LMAN2L: variants seen among roughly 807,000 people sequenced by gnomAD.
LMAN2L encodes lectin, mannose binding 2 like.
A neutral mutation model predicts 44.3 loss-of-function variants in LMAN2L; 30 were observed. The observed-to-expected ratio is 0.68, with a 90% CI of 0.51 to 0.92. The LOEUF is 0.92. LMAN2L is among the 40% of genes least tolerant of loss of function. The pLI is 0.00. For missense variants in LMAN2L, 429 were observed against 446.1 expected (o/e 0.96, Z 0.35); for synonymous variants, 183 against 171.1 (o/e 1.07, Z -0.54).
In LMAN2L at chr2:96,707,520, C is replaced by A; in HGVS notation, c.905-122G>T. ...TACTTCTGGGAAGCCAGAGCTTAGA[C>A]CCCCTCTTTCCAACTGAGAAACAAA... On this transcript the variant is annotated intron_variant, in intron 7 of 7. Transcript: ENST00000264963. 7 of 1,271,618 alleles carry A rather than the reference C, an allele frequency of 5.5e-6. 1 individual carries two copies. The highest frequency in any genetic ancestry group is 3.1e-5 in the South Asian group (2 of 65,332). The allele number at this position is 1,271,618 out of a possible 1,614,324, so 78.8% of individuals were successfully genotyped here. A position where few individuals can be genotyped will look rare whatever the true frequency, so the allele number is the denominator to read the frequency against.
intron 2 of LMAN2L, among the ~76,000 whole-genome samples, chr2:96,736,907 A>G (rs2078527762): frequency 6.6e-6 from 1 of 152,212 alleles, no homozygotes; most frequent in South Asian, 2.1e-4. Context: ...GTTTGTGCAG[A>G]TAGCTAATGT....
intron 2 of LMAN2L, among the ~76,000 whole-genome samples, chr2:96,736,670 C>T (rs775884269): frequency 6.6e-6 from 1 of 152,144 alleles, no homozygotes; most frequent in Non-Finnish European, 1.5e-5. Flanking sequence ...TTTATTCTCA[C>T]GACAACCCCA....
intron 4 of LMAN2L, among the ~76,000 whole-genome samples, chr2:96,720,033 G>GA (rs548363553): frequency 7.7e-5 from 11 of 143,286 alleles, no homozygotes; most frequent in South Asian, 4.4e-4. Flanking sequence ...AGTCTCAAAA[G>GA]AAAAAAAAAA....
Position 96,737,931 on chromosome 2 carries a change from A to G in LMAN2L, c.306+18T>C. ...GGCCTTTCTGGGTCACCAACACAGG[A>G]GGGAGAAAGATTCTTACCACCCGGT... On this transcript the variant is annotated intron_variant, in intron 2 of 7. Transcript: ENST00000264963. 1 of 1,540,162 alleles carries G rather than the reference A, an allele frequency of 6.5e-7. No individual in the cohort carries two copies. The highest frequency in any genetic ancestry group is 9.0e-7 in the Non-Finnish European group (1 of 1,112,792).
intron 4 of LMAN2L, among the ~76,000 whole-genome samples, chr2:96,726,595 A>G (rs1227159662): frequency 6.6e-6 from 1 of 151,098 alleles, no homozygotes; most frequent in Non-Finnish European, 1.5e-5. Context: ...CCAGCCTGGC[A>G]AACATGGCAA....
chr2:96,730,683 T>TC (rs1491369231), intron 4 of LMAN2L, among the ~76,000 whole-genome samples: 6 of 149,002 alleles, frequency 4.0e-5, no homozygotes, highest in African/African-American at 1.3e-4. Context: ...TCTCTCTCTC[T>TC]TTTTTTTGAG....
intron 4 of LMAN2L, among the ~76,000 whole-genome samples, chr2:96,717,606 G>A (rs1232276260): frequency 1.3e-5 from 2 of 151,458 alleles, no homozygotes; most frequent in South Asian, 2.1e-4. Context: ...TTGTGAGGCC[G>A]AGGCAGGTGG....
chr2:96,707,288 A>G lies in LMAN2L; in HGVS notation c.1015T>C (p.Trp339Arg). The G allele has an allele frequency of 3.1e-6, 5 of 1,614,166 alleles. No individual in the cohort carries two copies. The highest frequency in any genetic ancestry group is 4.5e-5 in the East Asian group (2 of 44,890). ...AAGCGCTTTCGGCTCTGTTCCTGCC[A>G]TTTGTTGTAGAGTATGATACCAATG... ...IVIGIILYNK[W>R]QEQSRKRFY The change falls in exon 8 of 8, where the codon TGG becomes CGG. Residue 339 changes from tryptophan to arginine, a missense_variant. Coordinates refer to ENST00000264963, the MANE Select transcript of LMAN2L (RefSeq NM_030805.4).
Position 96,707,696 on chromosome 2 carries a change from G to A in LMAN2L, c.904+18C>T, listed in dbSNP as rs201928060. ...CTCCCCAACTATGGGACCATTTCCC[G>A]CGGGCCCCTGTGCTCACTCTCAGGC... On this transcript the variant is annotated intron_variant, in intron 7 of 7. Transcript: ENST00000264963. 2.2e-5 allele frequency: 35 copies of A among 1,613,406 alleles called. No individual in the cohort carries two copies. The highest frequency in any genetic ancestry group is 1.3e-4 in the South Asian group (12 of 90,956).
At chr2:96,729,254 G>GA (rs960624317) in intron 4 of LMAN2L, among the ~76,000 whole-genome samples, 17 of 147,668 alleles carry the variant, frequency 1.2e-4, no homozygotes, top group African/African-American at 2.2e-4. Flanking sequence ...CAACCTGACA[G>GA]AAAAAAAAAA....
intron 2 of LMAN2L, among the ~76,000 whole-genome samples, chr2:96,735,773 G>A (rs1270367301): frequency 3.3e-5 from 5 of 151,758 alleles, no homozygotes; most frequent in Admixed American, 3.3e-4. Context: ...AGGAGGCAGA[G>A]CTTGCAGTGA....
At chr2:96,714,823 C>G (rs1017039919) in intron 4 of LMAN2L, among the ~76,000 whole-genome samples, 1 of 152,212 alleles carries the variant, frequency 6.6e-6, no homozygotes, top group Non-Finnish European at 1.5e-5. Context: ...TTCCAGGTAA[C>G]AGCCAGAGGC....
At chr2:96,729,801 C>T (rs556787360) in intron 4 of LMAN2L, among the ~76,000 whole-genome samples, 12 of 152,136 alleles carry the variant, frequency 7.9e-5, no homozygotes, top group East Asian at 7.7e-4. Flanking sequence ...CCACCGCGCC[C>T]GGCCTTAAAT....
chr2:96,722,261 C>A (rs1193496265), intron 4 of LMAN2L, among the ~76,000 whole-genome samples: 1 of 152,124 alleles, frequency 6.6e-6, no homozygotes, highest in Non-Finnish European at 1.5e-5. Flanking sequence ...AGCCACCGCA[C>A]CCGGCCTGTG....
intron 3 of LMAN2L, among the ~76,000 whole-genome samples, chr2:96,734,119 A>G (rs1005153366): frequency 2.6e-5 from 4 of 152,200 alleles, no homozygotes; most frequent in African/African-American, 4.8e-5. Context: ...AGCTCACCCA[A>G]TCGTCAGCGT....
intron 4 of LMAN2L, among the ~76,000 whole-genome samples, chr2:96,732,035 T>C (rs1045804918): frequency 1.3e-5 from 2 of 152,038 alleles, no homozygotes; most frequent in Non-Finnish European, 2.9e-5. Flanking sequence ...GTATTTTTAG[T>C]GGAGACAGGG....
chr2:96,734,383 A>G, intron 3 of LMAN2L, 26 bp downstream of exon 3: 1 of 1,392,304 alleles, frequency 7.2e-7, no homozygotes, highest in Non-Finnish European at 1.0e-6. Context: ...TCACACCCAC[A>G]CAAGAGTAAC....
intron 6 of LMAN2L, among the ~76,000 whole-genome samples, chr2:96,708,642 G>GCA (rs142611847): frequency 9.9e-5 from 15 of 151,624 alleles, no homozygotes; most frequent in Middle Eastern, 3.4e-3. Context: ...CCACACACGT[G>GCA]CACACACACA....
At chr2:96,724,212 T>A (rs1329056430) in intron 4 of LMAN2L, among the ~76,000 whole-genome samples, 1 of 152,246 alleles carries the variant, frequency 6.6e-6, no homozygotes, top group Non-Finnish European at 1.5e-5. Flanking sequence ...AGTAGCACAC[T>A]GTCTTTATTA....
Sources: gnomAD v4.1 joint callset for allele counts (sites outside exome capture counted in the v4.1 genomes callset) on GRCh38, gnomAD v4.1.1 for gene constraint, MANE v1.5 for transcripts, NCBI Gene and HGNC (gene_info 2026-07-23, HGNC 2026-07-21) for gene names.